The following PGBD5 variants were observed in gnomAD, a reference collection of about 807,000 sequenced individuals.
The protein encoded by PGBD5 is piggyBac transposable element derived 5.
A neutral mutation model predicts 47.9 loss-of-function variants in PGBD5; 14 were observed. That is an observed-to-expected ratio of 0.29 (90% CI 0.19 to 0.46). The LOEUF is 0.46. Ranked by LOEUF, PGBD5 falls within the 20% of genes least tolerant of loss-of-function variation. The probability of loss-of-function intolerance (pLI) is 1.00; values close to 1 mark genes in which losing one functional copy is unlikely to be tolerated. For missense variants in PGBD5, 635 were observed against 716.0 expected (o/e 0.89, Z 1.29); for synonymous variants, 316 against 306.3 (o/e 1.03, Z -0.33).
At chr1:230,399,447 A>G (rs1009654210) in intron 1 of PGBD5, among the ~76,000 whole-genome samples, 3 of 152,140 alleles carry the variant, frequency 2.0e-5, no homozygotes, top group African/African-American at 7.2e-5. Flanking sequence ...CTACCTGCAG[A>G]CCTAACCCCT....
chr1:230,327,072 C>T (rs75475261), intron 5 of PGBD5, among the ~76,000 whole-genome samples: 2,800 of 152,298 alleles, frequency 0.018, 82 homozygotes, highest in African/African-American at 0.063. Context: ...CGCCACCCAC[C>T]GCAGACAACA....
At chr1:230,410,037 G>C (rs1045894269) in intron 1 of PGBD5, among the ~76,000 whole-genome samples, 5 of 152,102 alleles carry the variant, frequency 3.3e-5, no homozygotes, top group Non-Finnish European at 7.4e-5. Flanking sequence ...CTGTTCAAGA[G>C]ACATACCTAA....
Position 230,315,679 on chromosome 1 carries a change from T to C in PGBD5, c.*7746A>G, listed in dbSNP as rs1408803485. On this transcript the variant is annotated 3_prime_UTR_variant, in exon 7 of 7. Transcript: ENST00000391860. The stretch of plus-strand genomic sequence containing the variant: ...GACTCTGTATTTTATCGTGTGTGTA[T>C]GTGTGTGTATATTTACACACACATA... 1.3e-5 allele frequency: 2 copies of C among 151,626 alleles called. No individual in the cohort carries two copies. Among genetic ancestry groups the C allele is most frequent in the Admixed American group, 1.3e-4 (2 of 15,226 alleles). The allele number at this position is 151,626 out of a possible 1,614,324, so 9.4% of individuals were successfully genotyped here. A position where few individuals can be genotyped will look rare whatever the true frequency, so the allele number is the denominator to read the frequency against.
chr1:230,361,402 G>A (rs1215322162), intron 1 of PGBD5, among the ~76,000 whole-genome samples: 2 of 152,174 alleles, frequency 1.3e-5, no homozygotes, highest in Non-Finnish European at 2.9e-5. Context: ...GAAGGGTTGT[G>A]CATGCTGATG....
chr1:230,369,049 T>G (rs1667887565), intron 1 of PGBD5, among the ~76,000 whole-genome samples: 1 of 152,228 alleles, frequency 6.6e-6, no homozygotes, highest in South Asian at 2.1e-4. Context: ...AGCCCTGTCT[T>G]GACCTCTGGA....
chr1:230,340,363 A>T (rs372029908), intron 3 of PGBD5, among the ~76,000 whole-genome samples: 4 of 152,188 alleles, frequency 2.6e-5, no homozygotes, highest in African/African-American at 9.7e-5. Flanking sequence ...GATATACTTT[A>T]AAAAATCATC....
At chr1:230,369,338 G>A (rs1322107895) in intron 1 of PGBD5, among the ~76,000 whole-genome samples, 4 of 152,242 alleles carry the variant, frequency 2.6e-5, no homozygotes. Context: ...CTATAAGACA[G>A]GCTCATGGGT....
At chr1:230,369,876 G>A (rs1176323302) in intron 1 of PGBD5, among the ~76,000 whole-genome samples, 2 of 146,006 alleles carry the variant, frequency 1.4e-5, no homozygotes, top group African/African-American at 5.6e-5. Flanking sequence ...ACGCCAGGAT[G>A]AGAGAGAGAA....
At chr1:230,366,733 GC>G (rs1390539060) in intron 1 of PGBD5, among the ~76,000 whole-genome samples, 1 of 152,086 alleles carries the variant, frequency 6.6e-6, no homozygotes, top group Non-Finnish European at 1.5e-5. Flanking sequence ...GGATGAGGTG[GC>G]TTGCATGGTG....
chr1:230,407,967 G>A (rs1392155808), intron 1 of PGBD5, among the ~76,000 whole-genome samples: 2 of 152,200 alleles, frequency 1.3e-5, no homozygotes, highest in African/African-American at 4.8e-5. Flanking sequence ...AAGTCTAGGA[G>A]ATGAAAAGAA....
At chr1:230,343,032 G>GT (rs1178840836) in intron 3 of PGBD5, among the ~76,000 whole-genome samples, 2 of 152,196 alleles carry the variant, frequency 1.3e-5, no homozygotes, top group Non-Finnish European at 2.9e-5. Flanking sequence ...TCATCTTTGT[G>GT]TATTAGCTGG....
chr1:230,411,261 C>T (rs1657402451), intron 1 of PGBD5, among the ~76,000 whole-genome samples: 2 of 152,118 alleles, frequency 1.3e-5, no homozygotes, highest in Admixed American at 6.5e-5. Flanking sequence ...CCAGCCTGGG[C>T]AACAGAGCAC....
chr1:230,388,415 ATTTT>A (rs1000234500), intron 1 of PGBD5, among the ~76,000 whole-genome samples: 2 of 134,484 alleles, frequency 1.5e-5, no homozygotes, highest in Non-Finnish European at 3.2e-5. Flanking sequence ...TGTTGGCCAC[ATTTT>A]TTTTTTTTTT....
chr1:230,335,856 T>TGCACACATGG (rs1558192883), intron 4 of PGBD5, among the ~76,000 whole-genome samples: 2 of 96,334 alleles, frequency 2.1e-5, no homozygotes, highest in Non-Finnish European at 4.5e-5. Flanking sequence ...GACACACAGA[T>TGCACACATGG]ACACACACAG....
At chr1:230,378,015 A>G (rs925566191) in intron 1 of PGBD5, among the ~76,000 whole-genome samples, 9 of 152,118 alleles carry the variant, frequency 5.9e-5, no homozygotes, top group Non-Finnish European at 7.4e-5. Flanking sequence ...CTTTCTGGCT[A>G]CTCCTTTGAG....
At chr1:230,416,920 G>A (rs372427926) in intron 1 of PGBD5, among the ~76,000 whole-genome samples, 108 of 152,292 alleles carry the variant, frequency 7.1e-4, no homozygotes, top group South Asian at 6.2e-3. Flanking sequence ...GAATCCAAGC[G>A]GATGAAAGCC....
intron 1 of PGBD5, among the ~76,000 whole-genome samples, chr1:230,385,777 A>G (rs532121455): frequency 6.6e-6 from 1 of 152,100 alleles, no homozygotes; most frequent in Non-Finnish European, 1.5e-5. Context: ...TTTTGCCCCC[A>G]TTTCACATCA....
intron 5 of PGBD5, among the ~76,000 whole-genome samples, chr1:230,329,906 G>A (rs527382876): frequency 6.6e-6 from 1 of 152,320 alleles, no homozygotes; most frequent in South Asian, 2.1e-4. Context: ...CCTTGGGACA[G>A]AGCAGAGACC....
At chr1:230,365,434 T>G (rs751159708) in intron 1 of PGBD5, among the ~76,000 whole-genome samples, 1 of 152,102 alleles carries the variant, frequency 6.6e-6, no homozygotes, top group Middle Eastern at 3.4e-3. Context: ...CAAAGCCCAA[T>G]GTACCAACTA....
Sources: gnomAD v4.1 joint callset for allele counts (sites outside exome capture counted in the v4.1 genomes callset) on GRCh38, gnomAD v4.1.1 for gene constraint, MANE v1.5 for transcripts, NCBI Gene and HGNC (gene_info 2026-07-23, HGNC 2026-07-21) for gene names.